Variants in UNC79 observed in about 807,000 individuals in gnomAD.
UNC79 encodes the protein unc-79 subunit of NALCN channel complex, also known as protein unc-79 homolog.
A neutral mutation model predicts 283.1 loss-of-function variants in UNC79; 37 were observed. The ratio of observed to expected loss-of-function variants is 0.13; its 90% confidence interval spans 0.10 to 0.17. UNC79 has a LOEUF of 0.17. Among genes scored for constraint, UNC79 ranks in the 10% least tolerant of loss-of-function variants. The pLI is 1.00. For synonymous variants in UNC79, 1,107 were observed against 1,200.2 expected (o/e 0.92, Z 1.61); for missense variants, 2,272 against 3,211.1 (o/e 0.71, Z 7.07).
intron 7 of UNC79, among the ~76,000 whole-genome samples, chr14:93,517,907 G>A (rs1011135611): frequency 6.2e-5 from 7 of 113,684 alleles, no homozygotes; most frequent in African/African-American, 2.3e-4. Context: ...GTGAGTGTGT[G>A]TGTGTGTGTG....
chr14:93,426,575 T>C (rs929889020), upstream of UNC79, among the ~76,000 whole-genome samples: 4 of 151,922 alleles, frequency 2.6e-5, no homozygotes, highest in African/African-American at 9.7e-5. Flanking sequence ...GATCTGTTTT[T>C]CAGATTGGAT....
At chr14:93,542,152 T>C (rs186777970) in intron 13 of UNC79, among the ~76,000 whole-genome samples, 1 of 152,304 alleles carries the variant, frequency 6.6e-6, no homozygotes, top group East Asian at 1.9e-4. Context: ...ATTGAGGATA[T>C]TGATGAAATA....
At chr14:93,394,826 C>G (rs1478865532) in intron 1 of UNC79, among the ~76,000 whole-genome samples, 1 of 152,188 alleles carries the variant, frequency 6.6e-6, no homozygotes, top group Non-Finnish European at 1.5e-5. Flanking sequence ...ATCCTTTCAC[C>G]TCAGTATCCT....
chr14:93,620,934 C>T (rs1316862480), intron 29 of UNC79: 1 of 518,618 alleles, frequency 1.9e-6, no homozygotes, highest in Admixed American at 1.9e-5. Context: ...CATGATACAC[C>T]TACTGGACCC....
intron 41 of UNC79, among the ~76,000 whole-genome samples, chr14:93,677,383 G>C (rs533597361): frequency 6.6e-6 from 1 of 152,174 alleles, no homozygotes; most frequent in African/African-American, 2.4e-5. Context: ...CAATCACGGC[G>C]AAGGTGATTG....
chr14:93,559,097 G>T (rs12889326), intron 14 of UNC79, among the ~76,000 whole-genome samples: 2 of 152,208 alleles, frequency 1.3e-5, no homozygotes, highest in South Asian at 4.1e-4. Context: ...GCAGCCCCCA[G>T]AATCACAGCT....
chr14:93,605,695 G>A (rs1006334966), intron 26 of UNC79, among the ~76,000 whole-genome samples: 1 of 152,114 alleles, frequency 6.6e-6, no homozygotes, highest in East Asian at 1.9e-4. Flanking sequence ...TAGTTTTAAG[G>A]TAAATGTTTC....
intron 1 of UNC79, among the ~76,000 whole-genome samples, chr14:93,464,327 T>A (rs1226619180): frequency 6.6e-6 from 1 of 152,192 alleles, no homozygotes; most frequent in Non-Finnish European, 1.5e-5. Context: ...TCCTGAGGCC[T>A]CTCTCCTTGA....
At chr14:93,496,376 C>A in intron 5 of UNC79, 35 bp from the exon 6 acceptor site, 1 of 1,408,034 alleles carries the variant, frequency 7.1e-7, no homozygotes, top group Non-Finnish European at 9.6e-7. Context: ...CTGGTATTTA[C>A]ATTTCATGTA....
intron 5 of UNC79, among the ~76,000 whole-genome samples, chr14:93,488,941 A>G (rs1243310645): frequency 6.6e-6 from 1 of 152,150 alleles, no homozygotes; most frequent in Non-Finnish European, 1.5e-5. Flanking sequence ...TTAACATACT[A>G]ATTTAAAAAT....
At chr14:93,623,817 T>C (rs959354665) in intron 30 of UNC79, among the ~76,000 whole-genome samples, 2 of 152,114 alleles carry the variant, frequency 1.3e-5, no homozygotes, top group African/African-American at 4.8e-5. Context: ...TGCTTGAACC[T>C]GGGAGGCGGA....
intron 22 of UNC79, among the ~76,000 whole-genome samples, chr14:93,589,464 C>A (rs1339543531): frequency 6.6e-6 from 1 of 151,894 alleles, no homozygotes; most frequent in Non-Finnish European, 1.5e-5. Context: ...GTGTTCTCAG[C>A]CTTATAGAGG....
chr14:93,388,116 C>CT (rs768914533), intron 1 of UNC79, among the ~76,000 whole-genome samples: 93 of 145,506 alleles, frequency 6.4e-4, no homozygotes, highest in Middle Eastern at 3.5e-3. Context: ...AGTTAATATT[C>CT]TTTTTTTTTT....
chr14:93,631,586 A>G (rs2068041653), intron 31 of UNC79, among the ~76,000 whole-genome samples: 1 of 152,246 alleles, frequency 6.6e-6, no homozygotes, highest in Non-Finnish European at 1.5e-5. Flanking sequence ...AATCAGAGAT[A>G]TGAACATAGA....
intron 34 of UNC79, among the ~76,000 whole-genome samples, chr14:93,645,062 G>C (rs1461059878): frequency 6.6e-6 from 1 of 152,164 alleles, no homozygotes; most frequent in East Asian, 1.9e-4. Context: ...GGGGAGTTGA[G>C]AGTTTTTATT....
rs548937054 is a variant in UNC79 at position 93,579,145 on chromosome 14, G to A, written c.2434-1004G>A. On this transcript the variant is annotated intron_variant, in intron 18 of 48. Coordinates refer to ENST00000555664, the Ensembl canonical transcript of UNC79. ...TTTTTTTGGCAGGAAGACCACAGAT[G>A]TGATGTTATGTCCTTTGTAATGCAT... 4.6e-5 allele frequency among the ~76,000 whole-genome samples: 7 copies of A among 152,256 alleles called. No individual in the cohort carries two copies. In the East Asian group the frequency reaches 1.4e-3, roughly 29 times the overall value.
intron 34 of UNC79, among the ~76,000 whole-genome samples, chr14:93,645,800 A>G (rs2069534503): frequency 6.6e-6 from 1 of 152,114 alleles, no homozygotes; most frequent in African/African-American, 2.4e-5. Context: ...TTGTAGTGAC[A>G]TTAGCATGAG....
Position 93,467,664 on chromosome 14 carries a change from T to TTTTTTTTTTTTTTTTTTTTTTTAA in UNC79, c.23-7_23-6insTTTTTTTTTTTTTTTTTTTTTTAA. 8.2e-7 allele frequency: 1 copy of TTTTTTTTTTTTTTTTTTTTTTTAA among 1,224,142 alleles called. No individual in the cohort carries two copies. Among genetic ancestry groups the TTTTTTTTTTTTTTTTTTTTTTTAA allele is most frequent in the Non-Finnish European group, 1.0e-6 (1 of 979,754 alleles). The allele number at this position is 1,224,142 out of a possible 1,614,324, so 75.8% of individuals were successfully genotyped here. On this transcript the variant is annotated splice_region_variant and splice_polypyrimidine_tract_variant and intron_variant, in intron 1 of 48. Transcript: ENST00000555664. ...TTTTTTTTTTTTTTTTTTTTGCTTT[T>TTTTTTTTTTTTTTTTTTTTTTTAA]ATCTAGTTGCTTCCAAGATCCGGTA...
intron 32 of UNC79, 105 bp from the exon 36 acceptor site, chr14:93,641,040 C>G: frequency 3.5e-6 from 3 of 859,870 alleles, no homozygotes; most frequent in South Asian, 2.0e-5. Flanking sequence ...AAGTTGTATT[C>G]CTGGGAATGT....
Sources: allele counts gnomAD v4.1 joint callset (sites outside exome capture counted in the v4.1 genomes callset), GRCh38; gene constraint gnomAD v4.1.1; transcripts MANE v1.5; gene names NCBI Gene and HGNC (gene_info 2026-07-23, HGNC 2026-07-21).